GABRB2: variants seen among roughly 807,000 people sequenced by gnomAD.
The protein encoded by GABRB2 is gamma-aminobutyric acid type A receptor subunit beta2.
In GABRB2, 16 loss-of-function variants were observed where a neutral mutation model predicts 54.7. The ratio of observed to expected loss-of-function variants is 0.29; its 90% CI spans 0.20 to 0.44. The LOEUF (loss-of-function observed/expected upper bound fraction) is 0.44, where lower values mean the gene tolerates loss of function less well. GABRB2 is among the 20% of genes least tolerant of loss of function. GABRB2 has a pLI of 1.00. For synonymous variants in GABRB2, 244 were observed against 233.8 expected (o/e 1.04, Z -0.40); for missense variants, 355 against 644.0 (o/e 0.55, Z 4.86).
At chr5:161,525,722 G>T (rs1760257668) in intron 3 of GABRB2, among the ~76,000 whole-genome samples, 1 of 150,992 alleles carries the variant, frequency 6.6e-6, no homozygotes, top group African/African-American at 2.4e-5. Context: ...CTTATCCAAG[G>T]ACATAATTCT....
intron 3 of GABRB2, among the ~76,000 whole-genome samples, chr5:161,534,823 C>G (rs761324702): frequency 6.6e-6 from 1 of 152,060 alleles, no homozygotes; most frequent in Non-Finnish European, 1.5e-5. Context: ...GAAAAATACT[C>G]AACCACCTTT....
chr5:161,480,146 A>C (rs2962408), intron 3 of GABRB2, among the ~76,000 whole-genome samples: 151,028 of 151,984 alleles, frequency 0.99, 75,048 homozygotes, highest in East Asian at 1. Flanking sequence ...CTCTCCATGA[A>C]CCTGAAGAAT....
intron 5 of GABRB2, among the ~76,000 whole-genome samples, chr5:161,409,085 G>C (rs1437164067): frequency 6.6e-6 from 1 of 151,958 alleles, no homozygotes; most frequent in African/African-American, 2.4e-5. Context: ...TTTTCCATAA[G>C]GCCAGGCTAT....
intron 3 of GABRB2, among the ~76,000 whole-genome samples, chr5:161,523,619 G>T (rs991835327): frequency 4.6e-5 from 7 of 151,440 alleles, no homozygotes; most frequent in African/African-American, 1.7e-4. Flanking sequence ...GCTTGGCTCT[G>T]TTCTTTGGTT....
chr5:161,505,738 ACT>A (rs936956702), intron 3 of GABRB2, among the ~76,000 whole-genome samples: 1 of 152,176 alleles, frequency 6.6e-6, no homozygotes, highest in Admixed American at 6.5e-5. Flanking sequence ...AAAATTCAAC[ACT>A]GATTCATGAT....
chr5:161,505,761 ACT>A (rs1370824951), intron 3 of GABRB2, among the ~76,000 whole-genome samples: 1 of 152,110 alleles, frequency 6.6e-6, no homozygotes, highest in African/African-American at 2.4e-5. Context: ...CTAAAAAGAA[ACT>A]CTGCAGCAAT....
chr5:161,288,646 G>T lies in GABRB2; in HGVS notation c.*5435C>A, dbSNP rs1196732481. The T allele has an allele frequency of 6.6e-6, 1 of 152,524 alleles. No homozygotes were observed. The highest frequency in any genetic ancestry group is 2.4e-5 in the African/African-American group (1 of 41,406). 9.4% of individuals were successfully genotyped at this position (152,524 alleles called of 1,614,324 possible). On this transcript the variant is annotated 3_prime_UTR_variant, in exon 10 of 10. Transcript: ENST00000393959. ...AGAAAGACATGAAAATAGATGCAATGATATCCACTGTGTTTTGCATTTTTC... is the reference window on the plus strand; with the variant it reads ...AGAAAGACATGAAAATAGATGCAATTATATCCACTGTGTTTTGCATTTTTC...
intron 7 of GABRB2, 120 bp downstream of exon 7, chr5:161,334,632 A>C: frequency 1.1e-6 from 1 of 929,380 alleles, no homozygotes; most frequent in Admixed American, 2.5e-5. Flanking sequence ...AAACTCTTAC[A>C]GTGTGAGAGG....
At chr5:161,486,758 T>C (rs766503689) in intron 3 of GABRB2, among the ~76,000 whole-genome samples, 18 of 151,936 alleles carry the variant, frequency 1.2e-4, no homozygotes, top group Non-Finnish European at 2.4e-4. Flanking sequence ...TGGCTGGAGA[T>C]AATAAATACT....
chr5:161,454,943 A>C (rs533131298), intron 4 of GABRB2, among the ~76,000 whole-genome samples: 1 of 152,362 alleles, frequency 6.6e-6, no homozygotes, highest in South Asian at 2.1e-4. Context: ...AAGCAAAGGA[A>C]TAACTAAGAG....
chr5:161,326,473 AT>A lies in GABRB2; in HGVS notation c.1085del (p.Tyr362LeufsTer45). On this transcript the variant is annotated frameshift_variant, in exon 9 of 10. Transcript: ENST00000393959. LOFTEE classifies it high-confidence loss of function. The stretch of plus-strand genomic sequence containing the variant: ...GGGTCCCATTTTGTTTAATATCTTT[AT>A]AAAAAATCTGGAAGACAAAGTAGAG... ...KMRLDVNKIF[Y>X]KDIKQNGTQY... The A allele has an allele frequency of 1.2e-6, 2 of 1,613,158 alleles. No homozygotes were observed. The highest frequency in any genetic ancestry group is 2.2e-5 in the South Asian group (2 of 90,978).
intron 5 of GABRB2, among the ~76,000 whole-genome samples, chr5:161,399,388 G>A (rs149040951): frequency 6.6e-6 from 1 of 152,200 alleles, no homozygotes. Flanking sequence ...CCAGTCAGAT[G>A]TACTTACGGG....
rs1758367313 is a variant in GABRB2, at chr5:161,326,484, G to C, written c.1078-3C>G. ...TGTTTAATATCTTTATAAAAAATCT[G>C]GAAGACAAAGTAGAGAATGTGCTAA... On this transcript the variant is annotated splice_polypyrimidine_tract_variant and splice_region_variant and intron_variant, in intron 8 of 9. Transcript: ENST00000393959. The C allele has an allele frequency of 1.9e-6, 3 of 1,612,308 alleles. No individual in the cohort carries two copies. The highest frequency in any genetic ancestry group is 2.5e-6 in the Non-Finnish European group (3 of 1,179,112).
chr5:161,333,800 C>T (rs1158113588), intron 7 of GABRB2, among the ~76,000 whole-genome samples: 2 of 152,180 alleles, frequency 1.3e-5, no homozygotes, highest in Non-Finnish European at 2.9e-5. Context: ...ATCTTCAAGT[C>T]TTAGTTCCAA....
At chr5:161,518,492 G>A (rs1476911737) in intron 3 of GABRB2, among the ~76,000 whole-genome samples, 5 of 152,060 alleles carry the variant, frequency 3.3e-5, no homozygotes, top group African/African-American at 1.2e-4. Flanking sequence ...CTTTTGTGAT[G>A]GTTCATAGTA....
intron 4 of GABRB2, 38 bp from the exon 5 acceptor site, chr5:161,411,095 G>C (rs749240157): frequency 6.8e-7 from 1 of 1,476,508 alleles, no homozygotes; most frequent in Non-Finnish European, 9.5e-7. Flanking sequence ...TTGTTAGCAG[G>C]TCTAAGGCTG....
intron 7 of GABRB2, among the ~76,000 whole-genome samples, chr5:161,334,126 G>C (rs1265474165): frequency 6.6e-6 from 1 of 152,092 alleles, no homozygotes; most frequent in Non-Finnish European, 1.5e-5. Flanking sequence ...AAAGGGAATA[G>C]TCAGAATCCA....
At chr5:161,527,144 A>T (rs570993579) in intron 3 of GABRB2, among the ~76,000 whole-genome samples, 28 of 151,600 alleles carry the variant, frequency 1.8e-4, no homozygotes, top group African/African-American at 6.5e-4. Context: ...AAAAATAGGG[A>T]GAAATATTAA....
chr5:161,530,218 G>T (rs1460693067), intron 3 of GABRB2, among the ~76,000 whole-genome samples: 1 of 152,088 alleles, frequency 6.6e-6, no homozygotes, highest in South Asian at 2.1e-4. Context: ...CAATTAAGAC[G>T]TATTTTGTCC....
Sources: gnomAD v4.1 joint callset for allele counts (sites outside exome capture counted in the v4.1 genomes callset) on GRCh38, gnomAD v4.1.1 for gene constraint, MANE v1.5 for transcripts, NCBI Gene and HGNC (gene_info 2026-07-23, HGNC 2026-07-21) for gene names.